The following CCSER1 variants were observed in gnomAD, a reference collection of about 807,000 sequenced individuals.
The protein encoded by CCSER1 is serine-rich coiled-coil domain-containing protein 1.
In CCSER1, 41 loss-of-function variants were observed where a neutral mutation model predicts 82.0. The ratio of observed to expected loss-of-function variants is 0.50; its 90% CI spans 0.39 to 0.65. The LOEUF (loss-of-function observed/expected upper bound fraction) is 0.65. Among genes scored for constraint, CCSER1 ranks in the 30% least tolerant of loss-of-function variants. The probability of loss-of-function intolerance (pLI) is 0.00; values close to 1 mark genes in which losing one functional copy is unlikely to be tolerated. For synonymous variants in CCSER1, 414 were observed against 383.9 expected (o/e 1.08, Z -0.92); for missense variants, 1,119 against 1,064.2 (o/e 1.05, Z -0.72).
At chr4:90,918,128 T>G (rs1727780801) in intron 8 of CCSER1, 1 of 299,272 alleles carries the variant, frequency 3.3e-6, no homozygotes, top group African/African-American at 2.2e-5. Context: ...TCAGTAAGTA[T>G]GTAATCACTA....
intron 1 of CCSER1, among the ~76,000 whole-genome samples, chr4:90,218,440 G>A (rs899193184): frequency 3.3e-5 from 5 of 152,114 alleles, no homozygotes; most frequent in Non-Finnish European, 7.4e-5. Context: ...TAACAAACTT[G>A]CACGTGTACC....
At chr4:91,592,108 C>G (rs28421145) in intron 10 of CCSER1, among the ~76,000 whole-genome samples, 6,770 of 152,192 alleles carry the variant, frequency 0.044, 322 homozygotes, top group African/African-American at 0.12. Context: ...AACTTACATT[C>G]TATTTGACCT....
chr4:91,500,766 TTTA>T (rs778968331), intron 10 of CCSER1, among the ~76,000 whole-genome samples: 73 of 152,142 alleles, frequency 4.8e-4, no homozygotes, highest in Non-Finnish European at 7.2e-4. Context: ...TCAGTTATTT[TTTA>T]TTATTATTTC....
intron 10 of CCSER1, among the ~76,000 whole-genome samples, chr4:91,109,489 T>TA (rs564833895): frequency 4.8e-3 from 690 of 144,888 alleles, no homozygotes; most frequent in East Asian, 0.012. Context: ...AGTCCTAAGT[T>TA]AAAAAAAAAA....
chr4:90,548,009 T>G (rs1322079963), intron 5 of CCSER1, among the ~76,000 whole-genome samples: 1 of 152,160 alleles, frequency 6.6e-6, no homozygotes, highest in Non-Finnish European at 1.5e-5. Flanking sequence ...AGCTAAAATT[T>G]TACTCAAATG....
chr4:90,324,680 T>C (rs1202473235), intron 3 of CCSER1, among the ~76,000 whole-genome samples: 1 of 151,932 alleles, frequency 6.6e-6, no homozygotes, highest in Non-Finnish European at 1.5e-5. Context: ...TTTAATTAGA[T>C]CCCATTTGTC....
chr4:90,501,116 C>T (rs964482712), intron 5 of CCSER1, among the ~76,000 whole-genome samples: 3 of 151,950 alleles, frequency 2.0e-5, no homozygotes, highest in Non-Finnish European at 1.5e-5. Context: ...AATGACATAT[C>T]GATGAGGAAT....
chr4:90,881,685 C>T (rs751771975), intron 8 of CCSER1, among the ~76,000 whole-genome samples: 23 of 151,854 alleles, frequency 1.5e-4, no homozygotes, highest in Non-Finnish European at 2.5e-4. Flanking sequence ...CTGAGGAGGC[C>T]GAGGTGGGAG....
chr4:90,753,375 A>G (rs967623298), intron 7 of CCSER1, among the ~76,000 whole-genome samples: 4 of 152,068 alleles, frequency 2.6e-5, no homozygotes, highest in African/African-American at 9.7e-5. Flanking sequence ...GGTAAAAATA[A>G]ATTTTATGTC....
At chr4:90,882,323 C>T (rs1721450949) in intron 8 of CCSER1, among the ~76,000 whole-genome samples, 2 of 151,980 alleles carry the variant, frequency 1.3e-5, no homozygotes, top group Non-Finnish European at 2.9e-5. Flanking sequence ...TGAATACACA[C>T]ATATGCACAG....
At chr4:90,960,146 G>A (rs1291483614) in intron 9 of CCSER1, among the ~76,000 whole-genome samples, 2 of 152,062 alleles carry the variant, frequency 1.3e-5, no homozygotes, top group Non-Finnish European at 2.9e-5. Context: ...CACAGAGATA[G>A]CCTGTTCACA....
chr4:90,995,148 A>T (rs763178397), intron 9 of CCSER1, among the ~76,000 whole-genome samples: 2 of 152,186 alleles, frequency 1.3e-5, no homozygotes, highest in Non-Finnish European at 2.9e-5. Flanking sequence ...ATAAAGTTAG[A>T]TGTAGACTAA....
intron 10 of CCSER1, among the ~76,000 whole-genome samples, chr4:91,094,786 A>T (rs1291237574): frequency 6.6e-6 from 1 of 152,042 alleles, no homozygotes; most frequent in Non-Finnish European, 1.5e-5. Context: ...GCTCGGTTAG[A>T]AAAAGTCTCC....
intron 8 of CCSER1, among the ~76,000 whole-genome samples, chr4:90,821,932 TG>T (rs1475252698): frequency 2.0e-5 from 3 of 152,136 alleles, no homozygotes; most frequent in Non-Finnish European, 4.4e-5. Context: ...TCTTGTGTTT[TG>T]GGGGGATGGA....
At chr4:90,271,842 A>T (rs866312058) in intron 1 of CCSER1, among the ~76,000 whole-genome samples, 1 of 32,320 alleles carries the variant, frequency 3.1e-5, no homozygotes, top group African/African-American at 1.1e-4. Context: ...ATATATATAT[A>T]TATATATATA....
At chr4:90,171,658 A>G (rs968405534) in intron 1 of CCSER1, among the ~76,000 whole-genome samples, 1 of 151,882 alleles carries the variant, frequency 6.6e-6, no homozygotes, top group Non-Finnish European at 1.5e-5. Flanking sequence ...AGTATATTGT[A>G]AGGAGATTAC....
chr4:90,304,911 T>G (rs1185582814), intron 1 of CCSER1, among the ~76,000 whole-genome samples: 1 of 151,908 alleles, frequency 6.6e-6, no homozygotes, highest in Non-Finnish European at 1.5e-5. Context: ...ACTGTTGTTG[T>G]TGGTGTTTTT....
intron 10 of CCSER1, among the ~76,000 whole-genome samples, chr4:91,308,110 C>T (rs1047425366): frequency 3.3e-5 from 5 of 151,958 alleles, no homozygotes; most frequent in Admixed American, 6.6e-5. Flanking sequence ...TCCAAAAAGG[C>T]ATCTTCTTTG....
At chr4:91,497,189 T>C (rs866106109) in intron 10 of CCSER1, among the ~76,000 whole-genome samples, 1 of 151,430 alleles carries the variant, frequency 6.6e-6, no homozygotes, top group Non-Finnish European at 1.5e-5. Flanking sequence ...GGCCTTAGGT[T>C]CCTCCTATAA....
Sources: gnomAD v4.1 joint callset for allele counts (sites outside exome capture counted in the v4.1 genomes callset) on GRCh38, gnomAD v4.1.1 for gene constraint, MANE v1.5 for transcripts, NCBI Gene and HGNC (gene_info 2026-07-23, HGNC 2026-07-21) for gene names.